Variants in SMG1 observed in about 807,000 individuals in gnomAD.
SMG1 encodes the protein serine/threonine-protein kinase SMG1.
In SMG1, 22 loss-of-function variants were observed where a neutral mutation model predicts 419.9. The observed-to-expected ratio is 0.05, with a 90% CI of 0.04 to 0.07. SMG1 has a LOEUF of 0.07. SMG1 is among the 10% of genes least tolerant of loss of function. SMG1 has a pLI of 1.00. For synonymous variants in SMG1, 1,538 were observed against 1,553.5 expected, an observed-to-expected ratio of 0.99 and a Z score of 0.23; for missense variants, 3,185 against 4,342.0, an observed-to-expected ratio of 0.73 and a Z score of 7.49.
intron 1 of SMG1, among the ~76,000 whole-genome samples, chr16:18,912,387 T>C (rs1432595492): frequency 1.3e-5 from 2 of 151,860 alleles, no homozygotes; most frequent in South Asian, 2.1e-4. Flanking sequence ...AAAATATAAG[T>C]AAGCAAAGTA....
At chr16:18,869,504 G>T (rs1254820809) in intron 19 of SMG1, among the ~76,000 whole-genome samples, 1 of 152,156 alleles carries the variant, frequency 6.6e-6, no homozygotes, top group Non-Finnish European at 1.5e-5. Flanking sequence ...CAGTGTGGAA[G>T]GATGATTAGG....
In SMG1 at chr16:18,806,200, A is replaced by T. The variant is rs1442992725; in HGVS notation, c.*3369T>A. The T allele has an allele frequency of 6.6e-6, 1 of 152,642 alleles. No individual in the cohort carries two copies. Among genetic ancestry groups the T allele is most frequent in the African/African-American group, 2.4e-5 (1 of 41,448 alleles). 9.5% of individuals were successfully genotyped at this position (152,642 alleles called of 1,614,324 possible). A position where few individuals can be genotyped will look rare whatever the true frequency, so the allele number is the denominator to read the frequency against. On this transcript the variant is annotated 3_prime_UTR_variant, in exon 63 of 63. Coordinates refer to ENST00000446231, the MANE Select transcript of SMG1 (RefSeq NM_015092.5). ...AATTTCACACGTCAGAACAACCACA[A>T]TTAAAAAAACAAAAAACAATGCAGA...
chr16:18,904,630 C>A (rs561726072), intron 1 of SMG1, among the ~76,000 whole-genome samples: 5 of 148,716 alleles, frequency 3.4e-5, no homozygotes, highest in Non-Finnish European at 7.4e-5. Flanking sequence ...GAGCAAGACT[C>A]TGTCTCAAAA....
Position 18,926,178 on chromosome 16 carries a change from AGG to A in SMG1, c.-139_-138del. On this transcript the variant is annotated 5_prime_UTR_variant, in exon 1 of 63. Coordinates refer to ENST00000446231, the MANE Select transcript of SMG1 (RefSeq NM_015092.5). ...GAGAAGGAGGAGGAGGAGGAGGAGG[AGG>A]AGAAGGAGGAGGCGGCGGAGGGCGG... 8.2e-6 allele frequency: 6 copies of A among 729,566 alleles called. No homozygotes were observed. The highest frequency in any genetic ancestry group is 1.9e-5 in the African/African-American group (1 of 52,626). The allele number at this position is 729,566 out of a possible 1,614,324, so 45.2% of individuals were successfully genotyped here.
intron 38 of SMG1, among the ~76,000 whole-genome samples, chr16:18,846,612 A>G (rs923176741): frequency 6.6e-6 from 1 of 152,236 alleles, no homozygotes; most frequent in African/African-American, 2.4e-5. Flanking sequence ...CAATAAACAC[A>G]TGAAAGGAAG....
chr16:18,814,403 G>A (rs145785993), intron 60 of SMG1, among the ~76,000 whole-genome samples: 1 of 151,608 alleles, frequency 6.6e-6, no homozygotes, highest in African/African-American at 2.4e-5. Context: ...GGAAGCTGAG[G>A]CAGGAGAATT....
At chr16:18,828,645 G>T (rs2032930582) in intron 54 of SMG1, among the ~76,000 whole-genome samples, 1 of 152,196 alleles carries the variant, frequency 6.6e-6, no homozygotes, top group South Asian at 2.1e-4. Flanking sequence ...CAAGGAAAGA[G>T]AAACTACTTT....
At chr16:18,907,070 G>C (rs1380240300) in intron 1 of SMG1, among the ~76,000 whole-genome samples, 1 of 152,048 alleles carries the variant, frequency 6.6e-6, no homozygotes, top group Non-Finnish European at 1.5e-5. Context: ...GATCACTTGA[G>C]GTCAGGAGTT....
intron 8 of SMG1, chr16:18,884,648 G>T (rs1045282031): frequency 5.6e-6 from 1 of 179,096 alleles, no homozygotes; most frequent in African/African-American, 2.4e-5. Flanking sequence ...ATGTGCAAAT[G>T]AGCCACGTTA....
rs1341779049 is a variant in SMG1, at chr16:18,829,822, A to G, written c.9134-67T>C. The G allele has an allele frequency of 6.1e-6, 9 of 1,469,118 alleles. No individual in the cohort carries two copies. The Admixed American group carries it at 1.1e-4, about 19-fold the overall frequency. 91.0% of individuals were successfully genotyped at this position (1,469,118 alleles called of 1,614,324 possible). ...AGGTAATATGCTGCTTATTTATAGT[A>G]TTTAAGGTGTCATGAATGTATAATT... On this transcript the variant is annotated intron_variant, in intron 53 of 62. Transcript: ENST00000446231.
chr16:18,813,333 T>A (rs1454091853), intron 60 of SMG1, among the ~76,000 whole-genome samples: 1 of 152,178 alleles, frequency 6.6e-6, no homozygotes, highest in Non-Finnish European at 1.5e-5. Flanking sequence ...CAGCACCTGT[T>A]GTTTCCTGAC....
intron 39 of SMG1, 127 bp from the exon 40 acceptor site, chr16:18,842,581 T>C (rs1003247352): frequency 2.2e-6 from 2 of 891,876 alleles, no homozygotes; most frequent in African/African-American, 3.4e-5. Context: ...TCCCAGCACT[T>C]TGGGAGGCCG....
chr16:18,833,071 C>A lies in SMG1; in HGVS notation c.8661G>T (p.Leu2887=), dbSNP rs781256821. Residue 2887 remains leucine, a synonymous_variant, in exon 51 of 63, where the codon CTG becomes CTT. Coordinates refer to ENST00000446231, the MANE Select transcript of SMG1 (RefSeq NM_015092.5). ...CGGTGGTCTGCTCAATAAGACCGTCCAGTTCATGCAGCATACTTTCTAACG... is the reference window on the plus strand; with the variant it reads ...CGGTGGTCTGCTCAATAAGACCGTCAAGTTCATGCAGCATACTTTCTAACG... ...EYTLESMLHE[L]DGLIEQTTDG... is the part of the protein sequence containing the mutation. 6.2e-7 allele frequency: 1 copy of A among 1,613,964 alleles called. No individual in the cohort carries two copies. The highest frequency in any genetic ancestry group is 8.5e-7 in the Non-Finnish European group (1 of 1,179,844).
chr16:18,899,323 T>C (rs1012987871), intron 1 of SMG1, among the ~76,000 whole-genome samples: 1 of 152,068 alleles, frequency 6.6e-6, no homozygotes, highest in Admixed American at 6.6e-5. Context: ...CCCTAAGTTA[T>C]GAACACTGAG....
rs779542200 is a variant in SMG1 at position 18,830,062 on chromosome 16, T to C, written c.8997A>G (p.Glu2999=). 6.2e-7 allele frequency: 1 copy of C among 1,605,294 alleles called. No homozygotes were observed. The highest frequency in any genetic ancestry group is 8.5e-7 in the Non-Finnish European group (1 of 1,175,300). The stretch of plus-strand genomic sequence containing the variant: ...AAAAATTAACTTGAGTACTCCTGGC[T>C]TCCCTTATGATGTCAATCTTTCGCC... ...IAWRKIDIIR[E]ARSTQVNFFD... The change falls in exon 53 of 63, where the codon GAA becomes GAG. Residue 2999 remains glutamate, a synonymous_variant. Transcript: ENST00000446231.
Position 18,839,752 on chromosome 16 carries a change from G to A in SMG1, c.6891C>T (p.Ala2297=), listed in dbSNP as rs1441713699. ...LMEATPPNLL[A]KELWSSCTTP... The stretch of plus-strand genomic sequence containing the variant: ...TTGTGCAAGATGACCAGAGCTCTTT[G>A]GCAAGGAGATTCGGGGGTGTGGCCT... Residue 2297 remains alanine (A), a synonymous_variant, in exon 42 of 63, where the codon GCC becomes GCT. Transcript: ENST00000446231. 1 of 1,613,848 alleles carries A rather than the reference G, an allele frequency of 6.2e-7. No individual in the cohort carries two copies. Among genetic ancestry groups the A allele is most frequent in the Non-Finnish European group, 8.5e-7 (1 of 1,179,896 alleles).
intron 1 of SMG1, among the ~76,000 whole-genome samples, chr16:18,897,580 T>G (rs1244266868): frequency 2.0e-5 from 3 of 152,142 alleles, no homozygotes; most frequent in Admixed American, 2.0e-4. Context: ...AGAAATGCAA[T>G]AAAGTGATAT....
chr16:18,817,544 G>A, intron 56 of SMG1, 74 bp from the exon 57 acceptor site: 1 of 1,177,432 alleles, frequency 8.5e-7, no homozygotes, highest in Non-Finnish European at 1.2e-6. Context: ...TTAATAACAT[G>A]AAAAAATACT....
At chr16:18,923,483 A>C (rs1329555919) in intron 1 of SMG1, among the ~76,000 whole-genome samples, 1 of 152,016 alleles carries the variant, frequency 6.6e-6, no homozygotes, top group Non-Finnish European at 1.5e-5. Flanking sequence ...GTCTCTACTA[A>C]AAATACAAAA....
Sources: allele counts gnomAD v4.1 joint callset (sites outside exome capture counted in the v4.1 genomes callset), GRCh38; gene constraint gnomAD v4.1.1; transcripts MANE v1.5; gene names NCBI Gene and HGNC (gene_info 2026-07-23, HGNC 2026-07-21).